The following PRKN variants were observed in gnomAD, a reference collection of about 807,000 sequenced individuals.
PRKN encodes E3 ubiquitin-protein ligase parkin.
A neutral mutation model predicts 59.5 loss-of-function variants in PRKN; 56 were observed. That is an observed-to-expected ratio of 0.94 (90% CI 0.76 to 1.18). PRKN has a LOEUF of 1.18. Ranked by LOEUF, PRKN falls within the 50% of genes most tolerant of loss-of-function variation. The probability of loss-of-function intolerance (pLI) is 0.00; values close to 1 mark genes in which losing one functional copy is unlikely to be tolerated. For synonymous variants in PRKN, 250 were observed against 222.1 expected, an observed-to-expected ratio of 1.13 and a Z score of -1.12; for missense variants, 657 against 596.4, an observed-to-expected ratio of 1.10 and a Z score of -1.06.
intron 4 of PRKN, among the ~76,000 whole-genome samples, chr6:162,074,397 A>T (rs10755586): frequency 7.7e-6 from 1 of 130,156 alleles, no homozygotes; most frequent in African/African-American, 3.0e-5. Flanking sequence ...ACCAAACACC[A>T]CATATTCTCA....
intron 5 of PRKN, among the ~76,000 whole-genome samples, chr6:161,988,427 G>T (rs1781515872): frequency 6.6e-6 from 1 of 151,420 alleles, no homozygotes; most frequent in African/African-American, 2.4e-5. Context: ...GGCAGGGGTT[G>T]CATGAGGCGA....
At chr6:161,688,422 C>T (rs908047875) in intron 7 of PRKN, among the ~76,000 whole-genome samples, 3 of 152,196 alleles carry the variant, frequency 2.0e-5, no homozygotes, top group African/African-American at 4.8e-5. Flanking sequence ...TTCCTAGCAA[C>T]GGGTTCCATT....
Position 161,467,977 on chromosome 6 carries a change from T to G in PRKN, c.1083+80877A>C, listed in dbSNP as rs1338054219. ...TCCCTTAGCCTACACTTTATTTTTA[T>G]TTTTAGTTTTATTGAGACAGAGTTT... On this transcript the variant is annotated intron_variant, in intron 9 of 11. Coordinates refer to ENST00000366898, the MANE Select transcript of PRKN (RefSeq NM_004562.3). This position sits in a 1 kb window ranked among gnomAD's most constrained non-coding sequence, Gnocchi z 4.3. 2.0e-5 allele frequency among the ~76,000 whole-genome samples: 3 copies of G among 152,134 alleles called. No homozygotes were observed. Among genetic ancestry groups the G allele is most frequent in the Non-Finnish European group, 4.4e-5 (3 of 68,002 alleles).
intron 1 of PRKN, among the ~76,000 whole-genome samples, chr6:162,717,256 A>T (rs1227197492): frequency 1.3e-5 from 2 of 152,092 alleles, no homozygotes; most frequent in African/African-American, 4.8e-5. Context: ...GGGCTAGCCC[A>T]GCGAACACCT....
intron 7 of PRKN, among the ~76,000 whole-genome samples, chr6:161,642,669 TACA>T (rs1783786683): frequency 6.6e-6 from 1 of 152,006 alleles, no homozygotes; most frequent in East Asian, 1.9e-4. Context: ...TTTTAAAAAC[TACA>T]ACAACAATAA....
rs1186512067 is a variant in PRKN at position 161,875,722 on chromosome 6, A to G, written c.735-89814T>C. Among the ~76,000 whole-genome samples the G allele has an allele frequency of 2.6e-5, 4 of 152,262 alleles. No homozygotes were observed. In the South Asian group the frequency reaches 8.3e-4, roughly 32 times the overall value. On this transcript the variant is annotated intron_variant, in intron 6 of 11. Coordinates refer to ENST00000366898, the MANE Select transcript of PRKN (RefSeq NM_004562.3). ...ATTTCACGTGGGACCCCAAGGCCAC[A>G]ATGGCATGGAAATGACTGTCAGCAT...
At chr6:161,741,690 C>T (rs1192558335) in intron 7 of PRKN, among the ~76,000 whole-genome samples, 1 of 152,006 alleles carries the variant, frequency 6.6e-6, no homozygotes, top group Non-Finnish European at 1.5e-5. Context: ...GTTGAATACA[C>T]AAGCAGATTG....
intron 6 of PRKN, among the ~76,000 whole-genome samples, chr6:161,964,584 A>G (rs1427447031): frequency 1.3e-5 from 2 of 152,088 alleles, no homozygotes; most frequent in Non-Finnish European, 2.9e-5. Flanking sequence ...ATTCGACTCT[A>G]GAACATACCC....
At chr6:162,497,355 GTAAAAGAAC>G (rs1199106147) in intron 1 of PRKN, among the ~76,000 whole-genome samples, 5 of 152,136 alleles carry the variant, frequency 3.3e-5, no homozygotes, top group African/African-American at 1.2e-4. Context: ...CCGGAAATAG[GTAAAAGAAC>G]TAAAGATTAC....
At chr6:162,105,943 T>A (rs1780175627) in intron 4 of PRKN, among the ~76,000 whole-genome samples, 1 of 152,200 alleles carries the variant, frequency 6.6e-6, no homozygotes, top group Non-Finnish European at 1.5e-5. Flanking sequence ...TTCTCATGGA[T>A]CCAATCGTCA....
chr6:161,865,018 T>C (rs1794057898), intron 6 of PRKN, among the ~76,000 whole-genome samples: 1 of 152,208 alleles, frequency 6.6e-6, no homozygotes. Flanking sequence ...AATGTGTTTT[T>C]AAATTGCAAT....
rs75362816 is a variant in PRKN, at chr6:162,615,227, T to A, written c.7+112435A>T. On this transcript the variant is annotated intron_variant, in intron 1 of 11. Coordinates refer to ENST00000366898, the MANE Select transcript of PRKN (RefSeq NM_004562.3). ...AAAATTACGCAACCTAAGCATACAA[T>A]TAACAATTTTTGGTGAGTCAGTTCT... Among the ~76,000 whole-genome samples the A allele has an allele frequency of 4.0e-3, 602 of 152,296 alleles. 5 individuals are homozygous for A. Among genetic ancestry groups the A allele is most frequent in the African/African-American group, 0.014 (569 of 41,566 alleles).
intron 6 of PRKN, among the ~76,000 whole-genome samples, chr6:161,797,495 C>T (rs1026822689): frequency 1.3e-5 from 2 of 152,158 alleles, no homozygotes; most frequent in Admixed American, 6.5e-5. Context: ...AAGCTCCTGA[C>T]CTCAAGTGAT....
At chr6:161,812,066 T>C (rs1034286447) in intron 6 of PRKN, among the ~76,000 whole-genome samples, 3 of 151,910 alleles carry the variant, frequency 2.0e-5, no homozygotes, top group Non-Finnish European at 1.5e-5. Context: ...AAAATCAATA[T>C]ATTGGACTTC....
intron 2 of PRKN, among the ~76,000 whole-genome samples, chr6:162,273,648 GAGA>G (rs1246419649): frequency 7.2e-5 from 11 of 152,142 alleles, no homozygotes; most frequent in Non-Finnish European, 1.3e-4. Flanking sequence ...TGAAGAAGGT[GAGA>G]AGGAGCTTCA....
At chr6:161,984,610 C>T (rs796917811) in intron 5 of PRKN, among the ~76,000 whole-genome samples, 3 of 152,208 alleles carry the variant, frequency 2.0e-5, no homozygotes, top group African/African-American at 7.2e-5. Context: ...GACTGATTTC[C>T]ATATTATCTG....
chr6:162,501,514 ATT>A (rs10596593), intron 1 of PRKN, among the ~76,000 whole-genome samples: 45,321 of 141,568 alleles, frequency 0.32, 7,189 homozygotes, highest in East Asian at 0.45. Context: ...CGCCTGGTTA[ATT>A]TTTTTTTTTT....
At chr6:162,205,747 G>GAC (rs1339441681) in intron 3 of PRKN, among the ~76,000 whole-genome samples, 5 of 132,204 alleles carry the variant, frequency 3.8e-5, no homozygotes, top group African/African-American at 7.8e-5. Flanking sequence ...TACACACACA[G>GAC]ACACACACAC....
chr6:161,681,465 T>C (rs993694079), intron 7 of PRKN, among the ~76,000 whole-genome samples: 5 of 152,150 alleles, frequency 3.3e-5, no homozygotes, highest in East Asian at 1.9e-4. Flanking sequence ...TTTTTTTTTT[T>C]CTCCTGATTG....
Sources: gnomAD v4.1 joint callset for allele counts (sites outside exome capture counted in the v4.1 genomes callset) on GRCh38, gnomAD v4.1.1 for gene constraint, Gnocchi (gnomAD v3.1) non-coding constraint, MANE v1.5 for transcripts, NCBI Gene and HGNC (gene_info 2026-07-23, HGNC 2026-07-21) for gene names.